IL1RAPL2: variants seen among roughly 807,000 people sequenced by gnomAD.
IL1RAPL2 encodes X-linked interleukin-1 receptor accessory protein-like 2.
IL1RAPL2 carries 3 observed loss-of-function variants against 44.1 expected under a neutral mutation model. That is an observed-to-expected ratio of 0.07 (90% CI 0.03 to 0.18). The LOEUF is 0.18. IL1RAPL2 is among the 10% of genes least tolerant of loss of function. The pLI is 1.00. For synonymous variants in IL1RAPL2, 181 were observed against 178.8 expected (o/e 1.01, Z -0.10); for missense variants, 391 against 496.4 (o/e 0.79, Z 2.02).
chrX:105,356,431 CTGTT>C (rs2035203787), intron 5 of IL1RAPL2, among the ~76,000 whole-genome samples: 1 of 111,538 alleles, frequency 9.0e-6, no homozygotes, highest in African/African-American at 3.3e-5. Context: ...TAATATCAGT[CTGTT>C]TGTATATATC....
intron 2 of IL1RAPL2, among the ~76,000 whole-genome samples, chrX:104,907,458 CT>C (rs1264222936): frequency 2.7e-5 from 3 of 110,566 alleles, no homozygotes; most frequent in African/African-American, 9.8e-5. Flanking sequence ...AAATTTCCCT[CT>C]ACACACTGCC....
rs757370879 is a variant in IL1RAPL2, at chrX:104,949,384, C to A, written c.83-246091C>A. ...CAAAAAACCAGCTCCTGGATTCACTCATTTTTTGAAGGGTTTTTTGTGTCT... is the reference window on the plus strand; with the variant it reads ...CAAAAAACCAGCTCCTGGATTCACTAATTTTTTGAAGGGTTTTTTGTGTCT... On this transcript the variant is annotated intron_variant, in intron 2 of 10. Coordinates refer to ENST00000372582, the MANE Select transcript of IL1RAPL2 (RefSeq NM_017416.2). 4.1e-3 allele frequency among the ~76,000 whole-genome samples: 449 copies of A among 110,512 alleles called. 5 individuals carry two copies. The highest frequency in any genetic ancestry group is 0.014 in the African/African-American group (422 of 30,206).
chrX:105,166,984 T>C (rs2033376533), intron 2 of IL1RAPL2, among the ~76,000 whole-genome samples: 1 of 112,357 alleles, frequency 8.9e-6, no homozygotes, highest in Non-Finnish European at 1.9e-5. Context: ...CCAAATGTTA[T>C]CAGCCTTATT....
intron 1 of IL1RAPL2, among the ~76,000 whole-genome samples, chrX:104,567,351 G>C (rs1402327202): frequency 8.9e-6 from 1 of 112,742 alleles, no homozygotes; most frequent in Non-Finnish European, 1.9e-5. Context: ...TGCTCTCTGC[G>C]GCTGGCGCGC....
At chrX:105,618,856 G>A (rs1319174759) in intron 6 of IL1RAPL2, among the ~76,000 whole-genome samples, 1 of 111,358 alleles carries the variant, frequency 9.0e-6, no homozygotes, top group African/African-American at 3.3e-5. Flanking sequence ...AGAGTTGCGC[G>A]ATCCAGATTC....
chrX:105,520,880 A>G (rs1256715373), intron 6 of IL1RAPL2, among the ~76,000 whole-genome samples: 1 of 104,636 alleles, frequency 9.6e-6, no homozygotes, highest in Non-Finnish European at 2.0e-5. Flanking sequence ...ACCTGATCTT[A>G]GCCAAAAGGC....
chrX:104,880,644 A>G (rs920846339), intron 2 of IL1RAPL2, among the ~76,000 whole-genome samples: 14 of 111,997 alleles, frequency 1.3e-4, no homozygotes, highest in East Asian at 8.4e-4. Context: ...TTCATTTTGC[A>G]TATAATAAAC....
At chrX:104,884,211 T>G (rs1360496697) in intron 2 of IL1RAPL2, among the ~76,000 whole-genome samples, 3 of 108,902 alleles carry the variant, frequency 2.8e-5, no homozygotes, top group African/African-American at 1.0e-4. Context: ...TGCAAGTTTT[T>G]GAGAATGCAT....
intron 7 of IL1RAPL2, among the ~76,000 whole-genome samples, chrX:105,733,601 T>G (rs2038422644): frequency 9.0e-6 from 1 of 111,449 alleles, no homozygotes; most frequent in Non-Finnish European, 1.9e-5. Context: ...TATTGACATA[T>G]CTTCAAATGC....
At position 105,650,510 on chromosome X, in the gene IL1RAPL2, T is replaced by C. The variant is rs757423162; in HGVS notation, c.773-66857T>C. 6.4e-4 allele frequency among the ~76,000 whole-genome samples: 72 copies of C among 112,257 alleles called. 1 individual carries two copies. The highest frequency in any genetic ancestry group is 2.2e-3 in the African/African-American group (69 of 30,949). On this transcript the variant is annotated intron_variant, in intron 6 of 10. Transcript: ENST00000372582. ...GTGGGGCTGGGGAAAATGCTTGATA[T>C]TTTTTGAAAAATGTGACATTTCCCC...
intron 2 of IL1RAPL2, among the ~76,000 whole-genome samples, chrX:105,085,145 A>G (rs1284811229): frequency 4.5e-5 from 5 of 112,176 alleles, no homozygotes; most frequent in Non-Finnish European, 7.5e-5. Context: ...TAGCTGTGTG[A>G]GAATATACTA....
chrX:104,627,338 TG>T (rs200837555), intron 1 of IL1RAPL2, among the ~76,000 whole-genome samples: 646 of 41,180 alleles, frequency 0.016, 28 homozygotes, highest in Admixed American at 0.15. Flanking sequence ...TGTTGTGGGG[TG>T]GGGGGAGGGG....
intron 2 of IL1RAPL2, among the ~76,000 whole-genome samples, chrX:104,770,829 T>C (rs1422919487): frequency 8.9e-6 from 1 of 111,862 alleles, no homozygotes; most frequent in East Asian, 2.8e-4. Flanking sequence ...TACAGATTAT[T>C]TCATCACCCA....
At chrX:105,291,942 C>T (rs2034616137) in intron 5 of IL1RAPL2, among the ~76,000 whole-genome samples, 1 of 111,104 alleles carries the variant, frequency 9.0e-6, no homozygotes, top group South Asian at 3.8e-4. Context: ...TTATATGGAG[C>T]ACCAACTTTT....
chrX:105,406,984 G>A (rs2035650271), intron 5 of IL1RAPL2: 4 of 1,098,078 alleles, frequency 3.6e-6, no homozygotes, highest in African/African-American at 1.8e-5. Context: ...AGGGTCCAAC[G>A]TGAAGGGAGC....
intron 2 of IL1RAPL2, among the ~76,000 whole-genome samples, chrX:104,890,029 T>TTGAAC (rs1469517829): frequency 3.7e-4 from 41 of 111,099 alleles, no homozygotes. Flanking sequence ...AATTCCCACC[T>TTGAAC]ATGAGTGAGA....
At chrX:105,413,966 T>C (rs1422852517) in intron 5 of IL1RAPL2, among the ~76,000 whole-genome samples, 2 of 112,226 alleles carry the variant, frequency 1.8e-5, no homozygotes, top group African/African-American at 6.5e-5. Context: ...AGTGATAATA[T>C]TTGGGCTATG....
chrX:105,484,666 G>A (rs1046303029), intron 6 of IL1RAPL2, among the ~76,000 whole-genome samples: 2 of 111,849 alleles, frequency 1.8e-5, no homozygotes, highest in African/African-American at 6.5e-5. Flanking sequence ...TGAGTGTCTT[G>A]CATTGGTGAT....
At chrX:104,569,462 G>C (rs976814598) in intron 1 of IL1RAPL2, among the ~76,000 whole-genome samples, 2 of 111,937 alleles carry the variant, frequency 1.8e-5, no homozygotes, top group African/African-American at 6.5e-5. Flanking sequence ...ACTGGCAATA[G>C]AGTCCATACA....
Sources: gnomAD v4.1 joint callset for allele counts (sites outside exome capture counted in the v4.1 genomes callset) on GRCh38, gnomAD v4.1.1 for gene constraint, MANE v1.5 for transcripts, NCBI Gene and HGNC (gene_info 2026-07-23, HGNC 2026-07-21) for gene names.